The following CNTNAP5 variants were observed in gnomAD, a reference collection of about 807,000 sequenced individuals.
CNTNAP5 encodes contactin associated protein family member 5, also known as contactin-associated protein-like 5.
A neutral mutation model predicts 150.2 loss-of-function variants in CNTNAP5; 72 were observed. That is an observed-to-expected ratio of 0.48 (90% confidence interval 0.40 to 0.58). CNTNAP5 has a LOEUF of 0.58. CNTNAP5 is among the 20% of genes least tolerant of loss of function. The pLI is 0.00. For synonymous variants in CNTNAP5, 672 were observed against 619.8 expected (o/e 1.08, Z -1.25); for missense variants, 1,636 against 1,626.2 (o/e 1.01, Z -0.10).
rs70996084 is a variant in CNTNAP5 at position 124,629,936 on chromosome 2, C to CAAAAAA, written c.1877-17808_1877-17803dup. The stretch of plus-strand genomic sequence containing the variant: ...AGAGAATACTATAAACACCTCTATG[C>CAAAAAA]AAAAAAAAAAAAAAAAAAACTGGAA... On this transcript the variant is annotated intron_variant, in intron 12 of 23. Coordinates refer to ENST00000682447, the MANE Select transcript of CNTNAP5 (RefSeq NM_001367498.1). Among the ~76,000 whole-genome samples, 170 of 67,756 alleles carry CAAAAAA rather than the reference C, an allele frequency of 2.5e-3. 13 individuals carry two copies. The highest frequency in any genetic ancestry group is 3.1e-3 in the African/African-American group (71 of 22,790). The allele number at this position is 67,756 out of a possible 152,430, so 44.5% of individuals were successfully genotyped here.
At chr2:124,702,717 C>A (rs1679548865) in intron 13 of CNTNAP5, among the ~76,000 whole-genome samples, 1 of 152,016 alleles carries the variant, frequency 6.6e-6, no homozygotes, top group Non-Finnish European at 1.5e-5. Flanking sequence ...GAATTGAAAC[C>A]AAATTTCCCA....
chr2:124,057,959 A>C (rs1681901851), intron 1 of CNTNAP5, among the ~76,000 whole-genome samples: 1 of 152,102 alleles, frequency 6.6e-6, no homozygotes, highest in Non-Finnish European at 1.5e-5. Flanking sequence ...ATATACACCT[A>C]CTATGTAACC....
At chr2:124,193,057 T>A (rs72838242) in intron 1 of CNTNAP5, among the ~76,000 whole-genome samples, 3,683 of 152,312 alleles carry the variant, frequency 0.024, 64 homozygotes, top group Non-Finnish European at 0.037. Flanking sequence ...TGGCTCTGTT[T>A]TCGTGTGTTT....
intron 4 of CNTNAP5, among the ~76,000 whole-genome samples, chr2:124,429,838 A>G (rs1692329002): frequency 1.3e-5 from 2 of 152,134 alleles, no homozygotes; most frequent in Admixed American, 6.5e-5. Flanking sequence ...GAAATAGATG[A>G]TGCGCAGGAA....
intron 19 of CNTNAP5, among the ~76,000 whole-genome samples, chr2:124,813,206 A>C (rs1682276521): frequency 6.6e-6 from 1 of 151,788 alleles, no homozygotes; most frequent in Admixed American, 6.6e-5. Flanking sequence ...CCTCCCGAGT[A>C]GCTGGGACTA....
chr2:124,262,475 C>T (rs948678109), intron 3 of CNTNAP5, among the ~76,000 whole-genome samples: 3 of 152,114 alleles, frequency 2.0e-5, no homozygotes, highest in Non-Finnish European at 4.4e-5. Flanking sequence ...GAAATACCAG[C>T]ATCATTCTGT....
intron 1 of CNTNAP5, among the ~76,000 whole-genome samples, chr2:124,109,872 G>A (rs1465154703): frequency 2.0e-5 from 3 of 152,172 alleles, no homozygotes; most frequent in Non-Finnish European, 4.4e-5. Context: ...CAAAGGATCT[G>A]CATTTTTATC....
chr2:124,723,326 T>C (rs775678452), intron 13 of CNTNAP5, among the ~76,000 whole-genome samples: 3 of 152,316 alleles, frequency 2.0e-5, no homozygotes, highest in East Asian at 1.9e-4. Flanking sequence ...ATAACAAAGA[T>C]CATGTTCCTT....
chr2:124,714,681 C>T (rs1321292800), intron 13 of CNTNAP5, among the ~76,000 whole-genome samples: 5 of 151,380 alleles, frequency 3.3e-5, no homozygotes, highest in South Asian at 2.1e-4. Flanking sequence ...ATACATAACA[C>T]GTGAATTATA....
intron 8 of CNTNAP5, among the ~76,000 whole-genome samples, chr2:124,516,383 G>A (rs553654669): frequency 4.6e-5 from 7 of 152,236 alleles, no homozygotes; most frequent in Admixed American, 1.3e-4. Context: ...ACATAGAAAG[G>A]CCATTGAATT....
At chr2:124,126,103 CA>C (rs760855959) in intron 1 of CNTNAP5, among the ~76,000 whole-genome samples, 6 of 151,906 alleles carry the variant, frequency 3.9e-5, no homozygotes, top group Admixed American at 6.6e-5. Context: ...AAAAACCCTT[CA>C]AAAAAATCAA....
chr2:124,602,296 C>T (rs1307073575), intron 11 of CNTNAP5, among the ~76,000 whole-genome samples: 4 of 131,150 alleles, frequency 3.0e-5, no homozygotes, highest in Non-Finnish European at 6.2e-5. Flanking sequence ...GAGCCAAGAT[C>T]ATGCCACTGC....
chr2:124,830,323 A>G (rs541418551), intron 19 of CNTNAP5, among the ~76,000 whole-genome samples: 6 of 152,106 alleles, frequency 3.9e-5, no homozygotes, highest in Non-Finnish European at 8.8e-5. Flanking sequence ...TTTTAAGCTC[A>G]GTTTTCCTAG....
intron 3 of CNTNAP5, among the ~76,000 whole-genome samples, chr2:124,378,464 A>T (rs1297824370): frequency 6.6e-6 from 1 of 152,118 alleles, no homozygotes; most frequent in East Asian, 1.9e-4. Flanking sequence ...ATAATTACAT[A>T]TTATCAATGT....
At chr2:124,774,444 G>T (rs778757246) in intron 17 of CNTNAP5, among the ~76,000 whole-genome samples, 43 of 152,076 alleles carry the variant, frequency 2.8e-4, no homozygotes, top group Non-Finnish European at 4.7e-4. Flanking sequence ...TTCTTTGTCT[G>T]TTATGTTCCC....
intron 16 of CNTNAP5, among the ~76,000 whole-genome samples, chr2:124,769,775 AAC>A (rs1681150913): frequency 6.6e-6 from 1 of 152,132 alleles, no homozygotes; most frequent in Non-Finnish European, 1.5e-5. Flanking sequence ...AGCCCTGGGA[AAC>A]ACCATCTGGA....
chr2:124,484,850 C>T (rs886972426), intron 7 of CNTNAP5, among the ~76,000 whole-genome samples: 3 of 152,176 alleles, frequency 2.0e-5, no homozygotes, highest in Non-Finnish European at 4.4e-5. Context: ...GAAGCTCATC[C>T]ACAGACAGCA....
At chr2:124,470,690 T>C (rs1166477928) in intron 6 of CNTNAP5, among the ~76,000 whole-genome samples, 1 of 152,182 alleles carries the variant, frequency 6.6e-6, no homozygotes, top group Non-Finnish European at 1.5e-5. Flanking sequence ...CTGGAGTTTT[T>C]AGAGTTTTGG....
intron 1 of CNTNAP5, among the ~76,000 whole-genome samples, chr2:124,118,342 A>G (rs930170822): frequency 3.9e-5 from 6 of 152,176 alleles, no homozygotes; most frequent in Admixed American, 2.6e-4. Flanking sequence ...ATTTGTGCAA[A>G]CTATAAGTCT....
Sources: allele counts gnomAD v4.1 joint callset (sites outside exome capture counted in the v4.1 genomes callset), GRCh38; gene constraint gnomAD v4.1.1; transcripts MANE v1.5; gene names NCBI Gene and HGNC (gene_info 2026-07-23, HGNC 2026-07-21).